NBAS: variants seen among roughly 807,000 people sequenced by gnomAD.
NBAS encodes NBAS subunit of NRZ tethering complex, also known as NAG/BC035112 fusion.
Under a neutral mutation model 302.5 loss-of-function variants are expected in NBAS, and 219 were observed. The observed-to-expected ratio is 0.72, with a 90% confidence interval of 0.65 to 0.81. The LOEUF is 0.81. NBAS is among the 30% of genes least tolerant of loss of function. The pLI, the probability that NBAS is intolerant of heterozygous loss-of-function variation, is 0.00. For synonymous variants in NBAS, 1,118 were observed against 1,021.6 expected, an observed-to-expected ratio of 1.09 and a Z score of -1.80; for missense variants, 2,932 against 2,841.6, an observed-to-expected ratio of 1.03 and a Z score of -0.72.
chr2:14,782,040 C>T, the NBAS span, among the ~76,000 whole-genome samples: 1 of 152,164 alleles, frequency 6.6e-6, no homozygotes, highest in East Asian at 1.9e-4. Flanking sequence ...TTACTGAAGC[C>T]TGCCTTCCAC....
the NBAS span, among the ~76,000 whole-genome samples, chr2:14,958,947 G>C: frequency 6.6e-6 from 1 of 152,222 alleles, no homozygotes. Context: ...GGGGATTGCA[G>C]TGGGAAAGGA....
At chr2:14,854,741 A>T in the NBAS span, among the ~76,000 whole-genome samples, 1 of 152,104 alleles carries the variant, frequency 6.6e-6, no homozygotes, top group Non-Finnish European at 1.5e-5. Flanking sequence ...GGAGCATTTA[A>T]ACTAGTCCAA....
chr2:14,829,311 A>G, the NBAS span, among the ~76,000 whole-genome samples: 3 of 152,138 alleles, frequency 2.0e-5, no homozygotes, highest in Non-Finnish European at 4.4e-5. Flanking sequence ...GCTTGTCAGT[A>G]TTATTATTTC....
the NBAS span, among the ~76,000 whole-genome samples, chr2:15,030,324 A>AGAAGTGGGTT: frequency 3.3e-5 from 5 of 152,228 alleles, no homozygotes; most frequent in Admixed American, 1.3e-4. Context: ...GGGAAAAGGT[A>AGAAGTGGGTT]GAAGTGGGTT....
intron 51 of NBAS, among the ~76,000 whole-genome samples, chr2:15,177,550 G>A (rs1225449538): frequency 1.3e-5 from 2 of 152,162 alleles, no homozygotes; most frequent in Non-Finnish European, 2.9e-5. Context: ...GAAAGGCACT[G>A]TATAATACAT....
intron 46 of NBAS, among the ~76,000 whole-genome samples, chr2:15,233,249 G>A (rs1667453692): frequency 2.6e-5 from 4 of 152,084 alleles, no homozygotes; most frequent in Admixed American, 2.0e-4. Flanking sequence ...TCCTTCCATT[G>A]CTGGAAGATT....
chr2:14,836,630 TA>T, the NBAS span, among the ~76,000 whole-genome samples: 1 of 151,956 alleles, frequency 6.6e-6, no homozygotes, highest in Non-Finnish European at 1.5e-5. Flanking sequence ...ACTGTAGCTT[TA>T]AAACAAGTTT....
chr2:15,118,817 T>C, the NBAS span, among the ~76,000 whole-genome samples: 2 of 152,364 alleles, frequency 1.3e-5, no homozygotes, highest in Non-Finnish European at 2.9e-5. Context: ...TCATCCACTC[T>C]GCCCTGATTC....
chr2:14,969,370 G>GTTA, the NBAS span, among the ~76,000 whole-genome samples: 9,901 of 151,552 alleles, frequency 0.065, 405 homozygotes, highest in East Asian at 0.096. Context: ...ATATCTCAAA[G>GTTA]TTATTATTAT....
the NBAS span, among the ~76,000 whole-genome samples, chr2:14,930,340 A>T: frequency 0.11 from 16,476 of 152,222 alleles, 978 homozygotes; most frequent in East Asian, 0.15. Flanking sequence ...GTGGCATTTT[A>T]GAGTTAGCCT....
the NBAS span, among the ~76,000 whole-genome samples, chr2:14,855,353 C>T: frequency 6.6e-6 from 1 of 152,044 alleles, no homozygotes; most frequent in Non-Finnish European, 1.5e-5. Context: ...GTGGTGTCTA[C>T]AGGGCAAAAC....
chr2:15,013,970 T>C, the NBAS span, among the ~76,000 whole-genome samples: 35 of 151,760 alleles, frequency 2.3e-4, no homozygotes, highest in African/African-American at 8.0e-4. Context: ...ATATTCCACG[T>C]AAAAGGAAAC....
intron 44 of NBAS, among the ~76,000 whole-genome samples, chr2:15,239,986 G>A (rs139043266): frequency 6.6e-6 from 1 of 152,250 alleles, no homozygotes; most frequent in Non-Finnish European, 1.5e-5. Context: ...GGAAGCAGAC[G>A]CCTCTGAGAG....
chr2:15,263,441 T>G (rs1461282568), intron 44 of NBAS, among the ~76,000 whole-genome samples: 1 of 152,100 alleles, frequency 6.6e-6, no homozygotes, highest in African/African-American at 2.4e-5. Flanking sequence ...CACTACCTGG[T>G]TGACAACTTA....
chr2:15,521,618 T>A (rs1662675848), intron 9 of NBAS, among the ~76,000 whole-genome samples: 1 of 152,206 alleles, frequency 6.6e-6, no homozygotes, highest in African/African-American at 2.4e-5. Flanking sequence ...TTTAATAATT[T>A]AACTAAAATC....
the NBAS span, among the ~76,000 whole-genome samples, chr2:14,868,757 C>A: frequency 6.6e-6 from 1 of 152,146 alleles, no homozygotes. Context: ...TTTCCAACAC[C>A]CCTTTCTTCC....
At chr2:15,559,116 A>T (rs13016997) in intron 1 of NBAS, among the ~76,000 whole-genome samples, 86,020 of 141,346 alleles carry the variant, frequency 0.61, 27,047 homozygotes, top group Non-Finnish European at 0.67. Context: ...ACAATAGGAG[A>T]AAAGTGAGCA....
chr2:15,400,500 A>C (rs1428630929), intron 26 of NBAS, among the ~76,000 whole-genome samples: 1 of 152,168 alleles, frequency 6.6e-6, no homozygotes, highest in Admixed American at 6.5e-5. Flanking sequence ...CCATAAAAGG[A>C]AGTCAAAAAT....
chr2:15,136,493 G>A, the NBAS span, among the ~76,000 whole-genome samples: 1 of 152,220 alleles, frequency 6.6e-6, no homozygotes, highest in Non-Finnish European at 1.5e-5. Context: ...TTATTTATAA[G>A]AAGTTTGGCA....
Sources: allele counts gnomAD v4.1 joint callset (sites outside exome capture counted in the v4.1 genomes callset), GRCh38; gene constraint gnomAD v4.1.1; transcripts MANE v1.5; gene names NCBI Gene and HGNC (gene_info 2026-07-23, HGNC 2026-07-21).